Variants in DDX20 observed in about 807,000 individuals in gnomAD.
The protein encoded by DDX20 is DEAD-box helicase 20.
Under a neutral mutation model 76.4 loss-of-function variants are expected in DDX20, and 61 were observed. The observed-to-expected ratio is 0.80, with a 90% CI of 0.65 to 0.99. The LOEUF is 0.99. DDX20 is among the 50% of genes least tolerant of loss of function. DDX20 has a pLI of 0.00. For missense variants in DDX20, 976 were observed against 996.8 expected, an observed-to-expected ratio of 0.98 and a Z score of 0.28; for synonymous variants, 357 against 357.4, an observed-to-expected ratio of 1.00 and a Z score of 0.01.
At position 111,761,351 on chromosome 1, in the gene DDX20, A is replaced by G. The variant is rs143745204; in HGVS notation, c.1021+67A>G. Reference sequence around the variant, plus strand: ...CTTGAAGCCTCCAAAGTCAGGAGGAAAAAATACCACTTTATGAGTTGTCTT... The same window carrying G: ...CTTGAAGCCTCCAAAGTCAGGAGGAGAAAATACCACTTTATGAGTTGTCTT... On this transcript the variant is annotated intron_variant, in intron 7 of 10. Transcript: ENST00000369702. 2.1e-5 allele frequency: 27 copies of G among 1,312,240 alleles called. No individual in the cohort carries two copies. In the Admixed American group the frequency reaches 5.4e-4, roughly 26 times the overall value. The allele number at this position is 1,312,240 out of a possible 1,614,324, so 81.3% of individuals were successfully genotyped here. A position where few individuals can be genotyped will look rare whatever the true frequency, so the allele number is the denominator to read the frequency against.
chr1:111,759,860 G>C (rs197401), intron 3 of DDX20, among the ~76,000 whole-genome samples: 23,392 of 150,204 alleles, frequency 0.16, 2,245 homozygotes, highest in African/African-American at 0.28. Flanking sequence ...TGTAGTCCCA[G>C]CTACTCGGGA....
At position 111,755,999 on chromosome 1, in the gene DDX20, G is replaced by T; in HGVS notation, c.75G>T (p.Val25=). The change falls in exon 1 of 11, where the codon GTG becomes GTT. Residue 25 remains valine, a synonymous_variant. Coordinates refer to ENST00000369702, the MANE Select transcript of DDX20 (RefSeq NM_007204.5). ...CTATGCCGGCTGAGCATGTGGCCGT[G>T]CAGGTCCCGGCCCCAGAGCCAACAC... The part of the protein sequence containing the change: ...ATAMPAEHVA[V]QVPAPEPTPG... 6.2e-7 allele frequency: 1 copy of T among 1,607,506 alleles called. No homozygotes were observed. The highest frequency in any genetic ancestry group is 8.5e-7 in the Non-Finnish European group (1 of 1,176,338).
At position 111,766,917 on chromosome 1, in the gene DDX20, G is replaced by T. The variant is rs1468488830; in HGVS notation, c.*18G>T. On this transcript the variant is annotated 3_prime_UTR_variant, in exon 11 of 11. Coordinates refer to ENST00000369702, the MANE Select transcript of DDX20 (RefSeq NM_007204.5). ...ACCAGTGATTATAGGATATACCTGA[G>T]ACCATCAGGAACTGTCAACAAATGA... is the stretch of plus-strand genomic sequence containing the variant. The T allele has an allele frequency of 6.4e-7, 1 of 1,563,078 alleles. No individual in the cohort carries two copies.
intron 3 of DDX20, among the ~76,000 whole-genome samples, chr1:111,759,955 C>T (rs1464068514): frequency 8.6e-6 from 1 of 115,754 alleles, no homozygotes; most frequent in Non-Finnish European, 1.6e-5. Context: ...GCCTGGGTGA[C>T]AGAGCGAGAC....
intron 10 of DDX20, 89 bp downstream of exon 10, chr1:111,763,096 G>C: frequency 9.7e-7 from 1 of 1,033,444 alleles, no homozygotes. Context: ...GAGTGCTTAT[G>C]ATGTGCTGGG....
intron 3 of DDX20, among the ~76,000 whole-genome samples, chr1:111,759,973 C>CAA (rs754870294): frequency 2.6e-3 from 149 of 56,944 alleles, no homozygotes; most frequent in Middle Eastern, 9.6e-3. Flanking sequence ...GACTCCATCT[C>CAA]AAAAAAAAAA....
chr1:111,757,874 G>C (rs1485326017), intron 2 of DDX20, among the ~76,000 whole-genome samples: 1 of 143,482 alleles, frequency 7.0e-6, no homozygotes, highest in African/African-American at 2.6e-5. Flanking sequence ...ATTTTTTTTT[G>C]AGACCGAGTC....
At chr1:111,758,857 T>G (rs1418094674) in intron 2 of DDX20, among the ~76,000 whole-genome samples, 1 of 152,236 alleles carries the variant, frequency 6.6e-6, no homozygotes, top group Admixed American at 6.5e-5. Context: ...TGTTAACTGT[T>G]GATTCCCCGG....
At chr1:111,756,263 TGG>T in intron 1 of DDX20, 38 bp downstream of exon 1, 1 of 509,898 alleles carries the variant, frequency 2.0e-6, no homozygotes, top group Non-Finnish European at 2.7e-6. Flanking sequence ...GGGGGTGGGG[TGG>T]GAGAAGGGGG....
Position 111,760,455 on chromosome 1 carries a change from A to AT in DDX20, c.566-7dup, listed in dbSNP as rs201858996. 114,324 of 1,001,352 alleles carry AT rather than the reference A, an allele frequency of 0.11. 427 individuals carry two copies. Among genetic ancestry groups the AT allele is most frequent in the East Asian group, 0.16 (4,510 of 28,892 alleles). 62.0% of individuals were successfully genotyped at this position (1,001,352 alleles called of 1,614,324 possible). A position where few individuals can be genotyped will look rare whatever the true frequency, so the allele number is the denominator to read the frequency against. On this transcript the variant is annotated intron_variant, in intron 3 of 10. Transcript: ENST00000369702. The stretch of plus-strand genomic sequence containing the variant: ...AATTTGGTACATCATAAATATTTCA[A>AT]TTTTTTTTTTTTAATTAGGCAGAAT...
chr1:111,767,012 A>G lies in DDX20; in HGVS notation c.*113A>G, dbSNP rs1663798225. The G allele has an allele frequency of 7.3e-6, 6 of 816,724 alleles. No homozygotes were observed. Among genetic ancestry groups the G allele is most frequent in the South Asian group, 4.1e-5 (2 of 49,354 alleles). 50.6% of individuals were successfully genotyped at this position (816,724 alleles called of 1,614,324 possible). On this transcript the variant is annotated 3_prime_UTR_variant, in exon 11 of 11. Transcript: ENST00000369702. Reference sequence around the variant, plus strand: ...ATAGTGGCATTTCTGATAAACTTGAAAAGACTTGAGTCTTTCCACTGGGAC... The same window carrying G: ...ATAGTGGCATTTCTGATAAACTTGAGAAGACTTGAGTCTTTCCACTGGGAC...
chr1:111,761,123 C>G lies in DDX20; in HGVS notation c.960C>G (p.Ser320Arg). 6.2e-7 allele frequency: 1 copy of G among 1,613,060 alleles called. No homozygotes were observed. The highest frequency in any genetic ancestry group is 8.5e-7 in the Non-Finnish European group (1 of 1,179,566). The change falls in exon 6 of 11, where the codon AGC (serine) becomes AGG (arginine). Residue 320 changes from serine to arginine, a missense_variant and splice_region_variant. By Grantham distance (110) the Ser-to-Arg change is moderately radical. Transcript: ENST00000369702. Reference protein sequence around the residue: ...NQALVFSNLHSRAQHLADILS... With the variant: ...NQALVFSNLHRRAQHLADILS... The stretch of plus-strand genomic sequence containing the variant: ...CTTTAGTCTTTTCTAATTTGCACAG[C>G]AGGTAATGTAACTTAAAAGGTCATC...
intron 10 of DDX20, among the ~76,000 whole-genome samples, chr1:111,763,954 C>G: frequency 6.6e-6 from 1 of 152,058 alleles, no homozygotes; most frequent in East Asian, 1.9e-4. Context: ...AAAATGTGCA[C>G]TATAAATAGT....
In DDX20 at chr1:111,766,050, C is replaced by T. The variant is rs1313963732; in HGVS notation, c.1626C>T (p.Ser542=). ...AAGAACTGGGCTGTGACAGGCAATC[C>T]GAAGAGCAAATGAAGAATTCTGTTC... ...SPKELGCDRQ[S]EEQMKNSVQT... The change falls in exon 11 of 11, where the codon TCC becomes TCT. Residue 542 remains serine (S), a synonymous_variant. Transcript: ENST00000369702. The T allele has an allele frequency of 2.5e-6, 4 of 1,613,996 alleles. No homozygotes were observed. Among genetic ancestry groups the T allele is most frequent in the African/African-American group, 1.3e-5 (1 of 74,900 alleles).
At chr1:111,757,908 T>TG (rs35942839) in intron 2 of DDX20, among the ~76,000 whole-genome samples, 152,337 of 152,358 alleles carry the variant, frequency 1, 76,158 homozygotes, top group Middle Eastern at 1. Context: ...CAGGCTGGAG[T>TG]CAGTGGCACA....
chr1:111,767,202 A>C lies in DDX20; in HGVS notation c.*303A>C. 4.4e-6 allele frequency: 1 copy of C among 229,744 alleles called. No individual in the cohort carries two copies. Among genetic ancestry groups the C allele is most frequent in the Non-Finnish European group, 8.6e-6 (1 of 116,526 alleles). 14.2% of individuals were successfully genotyped at this position (229,744 alleles called of 1,614,324 possible). A position where few individuals can be genotyped will look rare whatever the true frequency, so the allele number is the denominator to read the frequency against. On this transcript the variant is annotated 3_prime_UTR_variant, in exon 11 of 11. Transcript: ENST00000369702. ...TAAGATCTTCCCAAAAGAAACATTTAAAAAGATGACATATACCACCACTTA... is the reference window on the plus strand; with the variant it reads ...TAAGATCTTCCCAAAAGAAACATTTCAAAAGATGACATATACCACCACTTA...
At chr1:111,760,351 A>G (rs78831292) in intron 3 of DDX20, 123 bp from the exon 4 acceptor site, 2 of 676,582 alleles carry the variant, frequency 3.0e-6, no homozygotes, top group African/African-American at 3.7e-5. Context: ...TACATGCATA[A>G]TGAGAGTTGA....
At position 111,767,231 on chromosome 1, in the gene DDX20, A is replaced by G. The variant is rs908646084; in HGVS notation, c.*332A>G. The stretch of plus-strand genomic sequence containing the variant: ...AGATGACATATACCACCACTTACTT[A>G]AAAACAATAAAAGCAATAGATTTGA... On this transcript the variant is annotated 3_prime_UTR_variant, in exon 11 of 11. Coordinates refer to ENST00000369702, the MANE Select transcript of DDX20 (RefSeq NM_007204.5). 1.1e-5 allele frequency: 2 copies of G among 189,442 alleles called. No homozygotes were observed. The highest frequency in any genetic ancestry group is 1.3e-4 in the East Asian group (1 of 7,794). 11.7% of individuals were successfully genotyped at this position (189,442 alleles called of 1,614,324 possible). A position where few individuals can be genotyped will look rare whatever the true frequency, so the allele number is the denominator to read the frequency against.
chr1:111,762,044 A>G, intron 7 of DDX20: 1 of 473,946 alleles, frequency 2.1e-6, no homozygotes, highest in Admixed American at 3.9e-5. Context: ...TTTAGGATTG[A>G]TTTTTGAATT....
Sources: gnomAD v4.1 joint callset for allele counts (sites outside exome capture counted in the v4.1 genomes callset) on GRCh38, gnomAD v4.1.1 for gene constraint, MANE v1.5 for transcripts, NCBI Gene and HGNC (gene_info 2026-07-23, HGNC 2026-07-21) for gene names.